The following KLHL18 variants were observed in gnomAD, a reference collection of about 807,000 sequenced individuals.
KLHL18 encodes the protein kelch-like protein 18.
KLHL18 carries 38 observed loss-of-function variants against 58.5 expected under a neutral mutation model. The observed-to-expected ratio is 0.65, with a 90% CI of 0.50 to 0.85. The LOEUF is 0.85. Among genes scored for constraint, KLHL18 ranks in the 40% least tolerant of loss-of-function variants. The probability of loss-of-function intolerance (pLI) is 0.00; values close to 1 mark genes in which losing one functional copy is unlikely to be tolerated. For synonymous variants in KLHL18, 303 were observed against 301.9 expected, an observed-to-expected ratio of 1.00 and a Z score of -0.04; for missense variants, 624 against 778.4, an observed-to-expected ratio of 0.80 and a Z score of 2.36.
intron 1 of KLHL18, among the ~76,000 whole-genome samples, chr3:47,311,701 A>G (rs961899252): frequency 6.6e-6 from 1 of 152,130 alleles, no homozygotes; most frequent in Non-Finnish European, 1.5e-5. Flanking sequence ...AAAACAAACA[A>G]ACAAACAAAA....
chr3:47,305,976 G>A (rs1025090341), intron 1 of KLHL18, among the ~76,000 whole-genome samples: 10 of 151,866 alleles, frequency 6.6e-5, no homozygotes, highest in Non-Finnish European at 1.5e-4. Flanking sequence ...TGTCTTTTCT[G>A]TCTTTGTCAA....
chr3:47,335,259 C>T (rs950902369), intron 6 of KLHL18, among the ~76,000 whole-genome samples: 2 of 152,154 alleles, frequency 1.3e-5, no homozygotes, highest in African/African-American at 4.8e-5. Context: ...CACATTTTGT[C>T]ATATGGATCT....
intron 1 of KLHL18, among the ~76,000 whole-genome samples, chr3:47,310,196 C>G (rs916459142): frequency 2.6e-5 from 4 of 152,324 alleles, no homozygotes; most frequent in African/African-American, 9.6e-5. Flanking sequence ...GAATGCTGAG[C>G]CCCACCTGCC....
At chr3:47,323,938 C>T (rs1310130972) in intron 3 of KLHL18, among the ~76,000 whole-genome samples, 2 of 152,220 alleles carry the variant, frequency 1.3e-5, no homozygotes, top group Non-Finnish European at 2.9e-5. Flanking sequence ...ACACGGTGCT[C>T]ATGGTCATCA....
At chr3:47,295,083 C>T (rs369640048) in intron 1 of KLHL18, among the ~76,000 whole-genome samples, 30 of 152,126 alleles carry the variant, frequency 2.0e-4, no homozygotes, top group African/African-American at 6.7e-4. Flanking sequence ...TAAGTAATCA[C>T]GATATCTGAG....
intron 1 of KLHL18, among the ~76,000 whole-genome samples, chr3:47,300,721 C>A (rs1035403177): frequency 1.4e-5 from 2 of 146,242 alleles, no homozygotes; most frequent in East Asian, 4.1e-4. Flanking sequence ...CTCACTGCAA[C>A]CTCCGCCTCC....
In KLHL18 at chr3:47,342,881, T is replaced by TAA. The variant is rs758225204; in HGVS notation, c.1338+51_1338+52insAA. The TAA allele has an allele frequency of 5.4e-5, 73 of 1,349,822 alleles. No homozygotes were observed. In the African/African-American group the frequency reaches 9.9e-4, roughly 18 times the overall value. 83.6% of individuals were successfully genotyped at this position (1,349,822 alleles called of 1,614,324 possible). A position where few individuals can be genotyped will look rare whatever the true frequency, so the allele number is the denominator to read the frequency against. ...AGGGTACCTACTTCTGTCTTTGAGA[T>TAA]TTATTTTAGAAGATCATTATTTGAA... On this transcript the variant is annotated intron_variant, in intron 9 of 9. Transcript: ENST00000232766.
intron 1 of KLHL18, among the ~76,000 whole-genome samples, chr3:47,304,459 T>C (rs1024278538): frequency 6.6e-6 from 1 of 152,028 alleles, no homozygotes; most frequent in Admixed American, 6.6e-5. Flanking sequence ...GCTACGATTA[T>C]GCCACTGCAC....
At chr3:47,321,500 C>G (rs1703587566) in intron 2 of KLHL18, among the ~76,000 whole-genome samples, 1 of 152,108 alleles carries the variant, frequency 6.6e-6, no homozygotes, top group South Asian at 2.1e-4. Context: ...CAGGCTCATG[C>G]CACCACGCCC....
At chr3:47,327,421 G>A (rs574478108) in intron 3 of KLHL18, among the ~76,000 whole-genome samples, 89 of 152,326 alleles carry the variant, frequency 5.8e-4, no homozygotes, top group African/African-American at 1.9e-3. Context: ...CTTCTGCCCC[G>A]TGGCATTTTG....
chr3:47,295,377 A>G (rs1702874255), intron 1 of KLHL18, among the ~76,000 whole-genome samples: 1 of 152,094 alleles, frequency 6.6e-6, no homozygotes, highest in Non-Finnish European at 1.5e-5. Context: ...GTCCTCTTGC[A>G]TCAGCTGGCC....
intron 1 of KLHL18, among the ~76,000 whole-genome samples, chr3:47,301,601 T>C (rs1029354192): frequency 1.3e-5 from 2 of 152,190 alleles, no homozygotes; most frequent in African/African-American, 4.8e-5. Flanking sequence ...CCTTCACCAA[T>C]ATGACACAGT....
At chr3:47,297,380 G>C (rs192282515) in intron 1 of KLHL18, among the ~76,000 whole-genome samples, 1 of 152,260 alleles carries the variant, frequency 6.6e-6, no homozygotes, top group East Asian at 1.9e-4. Flanking sequence ...CATCAGCATT[G>C]AAGGTGAAAG....
At chr3:47,319,422 A>G (rs1026048083) in intron 1 of KLHL18, among the ~76,000 whole-genome samples, 1 of 152,200 alleles carries the variant, frequency 6.6e-6, no homozygotes, top group Non-Finnish European at 1.5e-5. Context: ...ACGCTTCATT[A>G]AAATGTATTG....
In KLHL18 at chr3:47,345,655, C is replaced by T. The variant is rs556605891; in HGVS notation, c.*1714C>T. 6.5e-6 allele frequency: 1 copy of T among 152,698 alleles called. No homozygotes were observed. Among genetic ancestry groups the T allele is most frequent in the Non-Finnish European group, 1.5e-5 (1 of 68,028 alleles). 9.5% of individuals were successfully genotyped at this position (152,698 alleles called of 1,614,324 possible). On this transcript the variant is annotated 3_prime_UTR_variant, in exon 10 of 10. Transcript: ENST00000232766. ...TTCCAGTAGAGACTAAAAGAAGATT[C>T]AATTCCTGTAACCCAAGACTGAGTC...
intron 4 of KLHL18, 82 bp from the exon 5 acceptor site, chr3:47,333,075 A>G: frequency 3.5e-6 from 5 of 1,426,870 alleles, no homozygotes; most frequent in Non-Finnish European, 4.8e-6. Flanking sequence ...CAGTATAGGA[A>G]GTGGAGGCAT....
At chr3:47,304,279 AG>A (rs1703089283) in intron 1 of KLHL18, among the ~76,000 whole-genome samples, 1 of 151,902 alleles carries the variant, frequency 6.6e-6, no homozygotes, top group African/African-American at 2.4e-5. Flanking sequence ...CCAAGGTGGG[AG>A]GATCAGTTGA....
chr3:47,310,010 T>TGGAGG (rs1703260226), intron 1 of KLHL18, among the ~76,000 whole-genome samples: 1 of 148,504 alleles, frequency 6.7e-6, no homozygotes, highest in Non-Finnish European at 1.5e-5. Flanking sequence ...GAGGGGGAGG[T>TGGAGG]TAACTGTTCT....
chr3:47,319,343 T>C (rs953423947), intron 1 of KLHL18, among the ~76,000 whole-genome samples: 4 of 152,236 alleles, frequency 2.6e-5, no homozygotes, highest in African/African-American at 7.2e-5. Context: ...AAGGGGTGCA[T>C]TGGAGACTAC....
Sources: allele counts gnomAD v4.1 joint callset (sites outside exome capture counted in the v4.1 genomes callset), GRCh38; gene constraint gnomAD v4.1.1; transcripts MANE v1.5; gene names NCBI Gene and HGNC (gene_info 2026-07-23, HGNC 2026-07-21).